FTO: variants seen among roughly 807,000 people sequenced by gnomAD.
The protein encoded by FTO is FTO alpha-ketoglutarate dependent dioxygenase, also known as alpha-ketoglutarate-dependent dioxygenase FTO.
In FTO, 47 loss-of-function variants were observed where a neutral mutation model predicts 63.9. The observed-to-expected ratio is 0.74, with a 90% CI of 0.58 to 0.94. FTO has a LOEUF of 0.94. Ranked by LOEUF, FTO falls within the 40% of genes least tolerant of loss-of-function variation. FTO has a pLI of 0.00. For missense variants in FTO, 562 were observed against 618.1 expected, an observed-to-expected ratio of 0.91 and a Z score of 0.96; for synonymous variants, 207 against 224.4, an observed-to-expected ratio of 0.92 and a Z score of 0.69.
chr16:53,832,498 T>G (rs1358208654), intron 3 of FTO, among the ~76,000 whole-genome samples: 1 of 152,110 alleles, frequency 6.6e-6, no homozygotes, highest in African/African-American at 2.4e-5. Context: ...CCTGAAGAGA[T>G]CCTCCTTGCT....
chr16:53,724,334 T>C (rs1004867433), intron 1 of FTO, among the ~76,000 whole-genome samples: 4 of 152,180 alleles, frequency 2.6e-5, no homozygotes, highest in African/African-American at 9.7e-5. Context: ...GAGTGGATGA[T>C]AGTGATCAGA....
chr16:53,814,022 G>T (rs986025663), intron 2 of FTO, among the ~76,000 whole-genome samples: 3 of 152,148 alleles, frequency 2.0e-5, no homozygotes, highest in Non-Finnish European at 4.4e-5. Flanking sequence ...GACTAAGTTA[G>T]TTATCTGAGT....
intron 1 of FTO, among the ~76,000 whole-genome samples, chr16:53,754,395 T>C (rs1034080500): frequency 2.6e-5 from 4 of 152,168 alleles, no homozygotes; most frequent in African/African-American, 9.7e-5. Context: ...CCCAGCACTT[T>C]GGGAGGCTAA....
intron 8 of FTO, among the ~76,000 whole-genome samples, chr16:53,980,166 CTT>C (rs2083511295): frequency 6.6e-6 from 1 of 152,192 alleles, no homozygotes; most frequent in South Asian, 2.1e-4. Flanking sequence ...AGCCACATGA[CTT>C]TGCTCTTTTC....
chr16:53,819,004 A>G (rs748055464), intron 2 of FTO, among the ~76,000 whole-genome samples: 8 of 152,168 alleles, frequency 5.3e-5, no homozygotes, highest in South Asian at 2.1e-4. Context: ...ATCTTGTCCA[A>G]TTGGCCTTAA....
chr16:53,988,381 G>T (rs568053888), intron 8 of FTO, among the ~76,000 whole-genome samples: 55 of 152,196 alleles, frequency 3.6e-4, no homozygotes, highest in African/African-American at 1.3e-3. Context: ...TTTTACGTTG[G>T]GGCCTTAAGT....
intron 2 of FTO, among the ~76,000 whole-genome samples, chr16:53,816,668 T>C (rs1431250989): frequency 6.6e-6 from 1 of 152,186 alleles, no homozygotes; most frequent in East Asian, 1.9e-4. Context: ...TCTTCTGCTC[T>C]GATGTCACTG....
At chr16:53,713,120 G>C (rs141958845) in intron 1 of FTO, among the ~76,000 whole-genome samples, 281 of 152,238 alleles carry the variant, frequency 1.8e-3, no homozygotes, top group African/African-American at 6.4e-3. Context: ...ACCGGAATTT[G>C]AAAGAAGTAA....
chr16:53,712,366 T>C (rs1432350070), intron 1 of FTO, among the ~76,000 whole-genome samples: 2 of 152,196 alleles, frequency 1.3e-5, no homozygotes, highest in South Asian at 4.1e-4. Flanking sequence ...TCTGTTTTTT[T>C]TCCTTCTTCC....
chr16:54,091,153 T>C (rs749135031), intron 8 of FTO, among the ~76,000 whole-genome samples: 37 of 152,174 alleles, frequency 2.4e-4, no homozygotes, highest in Non-Finnish European at 4.3e-4. Context: ...TGGAGGCTAG[T>C]TACCACAAAC....
intron 1 of FTO, among the ~76,000 whole-genome samples, chr16:53,720,371 A>AT (rs2076008088): frequency 6.6e-6 from 1 of 151,984 alleles, no homozygotes; most frequent in Non-Finnish European, 1.5e-5. Flanking sequence ...TATAAATATG[A>AT]TTTAAAATAG....
intron 8 of FTO, among the ~76,000 whole-genome samples, chr16:54,056,901 A>G (rs940812190): frequency 4.6e-5 from 7 of 152,238 alleles, no homozygotes; most frequent in Admixed American, 2.0e-4. Flanking sequence ...ATACTGGCCA[A>G]TTACCACATG....
chr16:54,041,147 TCTGAGA>T (rs2085065727), intron 8 of FTO, among the ~76,000 whole-genome samples: 1 of 152,196 alleles, frequency 6.6e-6, no homozygotes. Context: ...AAAGATGCTA[TCTGAGA>T]CTGAGTAATT....
At chr16:54,073,467 G>A (rs553990410) in intron 8 of FTO, among the ~76,000 whole-genome samples, 90 of 152,018 alleles carry the variant, frequency 5.9e-4, no homozygotes, top group Non-Finnish European at 1.0e-3. Flanking sequence ...TTTCAGGAAC[G>A]TGTGTGGCCC....
chr16:53,972,076 T>C (rs933569773), intron 8 of FTO, among the ~76,000 whole-genome samples: 1 of 152,170 alleles, frequency 6.6e-6, no homozygotes, highest in African/African-American at 2.4e-5. Flanking sequence ...GCCAGTCATA[T>C]GGAGACAGGG....
intron 1 of FTO, among the ~76,000 whole-genome samples, chr16:53,724,289 C>T (rs138628252): frequency 5.9e-5 from 9 of 152,256 alleles, no homozygotes; most frequent in South Asian, 2.1e-4. Context: ...TTACAGATGA[C>T]GGGTTATCTC....
intron 4 of FTO, among the ~76,000 whole-genome samples, chr16:53,858,881 G>A (rs930610239): frequency 3.9e-5 from 6 of 151,952 alleles, no homozygotes; most frequent in Non-Finnish European, 8.8e-5. Flanking sequence ...GGATAGTCTC[G>A]ATCTCTTGAC....
chr16:53,736,924 G>A (rs1171614073), intron 1 of FTO, among the ~76,000 whole-genome samples: 1 of 152,106 alleles, frequency 6.6e-6, no homozygotes, highest in East Asian at 1.9e-4. Flanking sequence ...TTTATGTGGG[G>A]GAACTCCTTT....
intron 1 of FTO, among the ~76,000 whole-genome samples, chr16:53,800,949 CT>C: frequency 6.6e-6 from 1 of 152,140 alleles, no homozygotes; most frequent in South Asian, 2.1e-4. Context: ...TTCACAATGT[CT>C]TGTCCATCCT....
Sources: allele counts gnomAD v4.1 joint callset (sites outside exome capture counted in the v4.1 genomes callset), GRCh38; gene constraint gnomAD v4.1.1; transcripts MANE v1.5; gene names NCBI Gene and HGNC (gene_info 2026-07-23, HGNC 2026-07-21).